Variants in DCAF4 observed in about 807,000 individuals in gnomAD.
The protein encoded by DCAF4 is DDB1- and CUL4-associated factor 4.
Under a neutral mutation model 60.9 loss-of-function variants are expected in DCAF4, and 37 were observed. The ratio of observed to expected loss-of-function variants is 0.61; its 90% CI spans 0.47 to 0.80. DCAF4 has a LOEUF of 0.80. DCAF4 is among the 30% of genes least tolerant of loss of function. The pLI, the probability that DCAF4 is intolerant of heterozygous loss-of-function variation, is 0.00. For missense variants in DCAF4, 577 were observed against 650.0 expected, an observed-to-expected ratio of 0.89 and a Z score of 1.22; for synonymous variants, 243 against 254.8, an observed-to-expected ratio of 0.95 and a Z score of 0.44.
At chr14:72,961,184 C>T (rs1297073889), downstream of DCAF4, among the ~76,000 whole-genome samples, 1 of 152,230 alleles carries the variant, frequency 6.6e-6, no homozygotes, top group Admixed American at 6.5e-5. Context: ...ATTTGTAAGA[C>T]ACTTCTCACC....
At position 72,941,831 on chromosome 14, in the gene DCAF4, C is replaced by T. The variant is rs758464874; in HGVS notation, c.431+7C>T. ...ACGTCACCAATTACTGCCAGTAAGA[C>T]AATGCCTCTTTGTTATGTTTTCTTC... On this transcript the variant is annotated splice_region_variant and intron_variant, in intron 5 of 13. Coordinates refer to ENST00000358377, the MANE Select transcript of DCAF4 (RefSeq NM_015604.4). The T allele has an allele frequency of 6.2e-7, 1 of 1,612,870 alleles. No individual in the cohort carries two copies. Among genetic ancestry groups the T allele is most frequent in the Non-Finnish European group, 8.5e-7 (1 of 1,179,352 alleles).
At chr14:72,953,654 G>A (rs1341431616) in intron 9 of DCAF4, among the ~76,000 whole-genome samples, 3 of 131,152 alleles carry the variant, frequency 2.3e-5, no homozygotes, top group African/African-American at 8.6e-5. Flanking sequence ...AGGATGCATT[G>A]AGCCATGATC....
intron 1 of DCAF4, among the ~76,000 whole-genome samples, chr14:72,932,155 ATT>A (rs1173423059): frequency 6.6e-6 from 1 of 151,572 alleles, no homozygotes; most frequent in African/African-American, 2.4e-5. Flanking sequence ...CGCCTAACTA[ATT>A]TTTTGTATTT....
chr14:72,933,348 C>G (rs1223711973), intron 1 of DCAF4, among the ~76,000 whole-genome samples: 3 of 152,164 alleles, frequency 2.0e-5, no homozygotes, highest in Non-Finnish European at 4.4e-5. Context: ...ATCACAAGGT[C>G]AGGAGTTCGA....
Position 72,959,579 on chromosome 14 carries a change from G to C in DCAF4, c.*774G>C, listed in dbSNP as rs1416115702. ...GACTTTTTGTAATCTAGGAGCGACA[G>C]TTCGTGAGATGTTTATTCAGTGTTA... On this transcript the variant is annotated 3_prime_UTR_variant, in exon 14 of 14. Transcript: ENST00000358377. 1 of 985,366 alleles carries C rather than the reference G, an allele frequency of 1.0e-6. No individual in the cohort carries two copies. Among genetic ancestry groups the C allele is most frequent in the Non-Finnish European group, 1.2e-6 (1 of 829,944 alleles). The allele number at this position is 985,366 out of a possible 1,614,324, so 61.0% of individuals were successfully genotyped here.
chr14:72,934,156 CTTT>C (rs72429674), intron 1 of DCAF4, among the ~76,000 whole-genome samples: 1 of 136,304 alleles, frequency 7.3e-6, no homozygotes. Context: ...GTGGCATTTT[CTTT>C]TTTTTTTTTT....
At chr14:72,936,203 GATA>G (rs1889243613) in intron 1 of DCAF4, among the ~76,000 whole-genome samples, 1 of 152,316 alleles carries the variant, frequency 6.6e-6, no homozygotes, top group Non-Finnish European at 1.5e-5. Context: ...TGGGGTATAA[GATA>G]ACTGATCCAT....
chr14:72,928,040 A>C (rs1040381553), intron 1 of DCAF4, among the ~76,000 whole-genome samples: 3 of 150,980 alleles, frequency 2.0e-5, no homozygotes, highest in Non-Finnish European at 3.0e-5. Context: ...GGCTCAAGCT[A>C]TCCTCCCACC....
At chr14:72,944,627 T>C (rs556116957) in intron 6 of DCAF4, among the ~76,000 whole-genome samples, 51 of 152,128 alleles carry the variant, frequency 3.4e-4, no homozygotes, top group African/African-American at 1.2e-3. Context: ...ACCCCGTCTC[T>C]ACAAAAAAAT....
At chr14:72,940,583 G>C (rs912275023) in intron 4 of DCAF4, 2 of 402,772 alleles carry the variant, frequency 5.0e-6, no homozygotes, top group Non-Finnish European at 8.6e-6. Flanking sequence ...TTTCTTGTTC[G>C]ATAAGTTGTT....
intron 8 of DCAF4, among the ~76,000 whole-genome samples, chr14:72,951,569 C>G (rs1313288980): frequency 2.6e-5 from 4 of 152,162 alleles, no homozygotes; most frequent in Non-Finnish European, 5.9e-5. Flanking sequence ...CGAGATCGCG[C>G]CATTGCACCC....
Position 72,956,457 on chromosome 14 carries a change from C to CT in DCAF4, c.1251_1252insT (p.Leu418SerfsTer98). On this transcript the variant is annotated frameshift_variant, in exon 13 of 14. Transcript: ENST00000358377. LOFTEE classifies it high-confidence loss of function. ...AAGGCCACGTGAATGAGTACGCCTA[C>CT]CTGCCCCTGCATGTGCACGAGGAAG... is the stretch of plus-strand genomic sequence containing the variant. 3 of 1,613,614 alleles carry CT rather than the reference C, an allele frequency of 1.9e-6. No individual in the cohort carries two copies. Among genetic ancestry groups the CT allele is most frequent in the Non-Finnish European group, 2.5e-6 (3 of 1,179,814 alleles).
At chr14:72,954,051 A>G (rs1891939530) in intron 9 of DCAF4, 113 bp from the exon 10 acceptor site, 1 of 1,124,958 alleles carries the variant, frequency 8.9e-7, no homozygotes, top group African/African-American at 1.6e-5. Flanking sequence ...AATGGGGCCA[A>G]AGGTATAGAC....
Position 72,936,462 on chromosome 14 carries a change from G to T in DCAF4, c.-8-1509G>T, listed in dbSNP as rs563787038. On this transcript the variant is annotated intron_variant, in intron 1 of 13. Coordinates refer to ENST00000358377, the MANE Select transcript of DCAF4 (RefSeq NM_015604.4). ...GCCTGTAGTCCCAGCTACTCGGGAG[G>T]CTGAGGCAGGAGAATCGCTTGAACC... 1.1e-4 allele frequency among the ~76,000 whole-genome samples: 17 copies of T among 152,068 alleles called. No homozygotes were observed. In the South Asian group the frequency reaches 3.3e-3, roughly 30 times the overall value.
intron 1 of DCAF4, among the ~76,000 whole-genome samples, chr14:72,928,583 C>CTT (rs200953340): frequency 0.45 from 14,309 of 31,604 alleles, 838 homozygotes; most frequent in South Asian, 0.56. Context: ...AGTAAACATC[C>CTT]TTTATATATA....
intron 7 of DCAF4, among the ~76,000 whole-genome samples, chr14:72,946,321 C>T (rs1374424733): frequency 6.6e-6 from 1 of 151,898 alleles, no homozygotes; most frequent in South Asian, 2.1e-4. Flanking sequence ...GGGAAGATCA[C>T]CTGAGCCCAG....
chr14:72,929,519 G>C lies in DCAF4; in HGVS notation c.-9+2976G>C. On this transcript the variant is annotated intron_variant, in intron 1 of 13. Coordinates refer to ENST00000358377, the MANE Select transcript of DCAF4 (RefSeq NM_015604.4). ...CGAGACCAGCCTGGGCGGCAACAAA[G>C]CGAGACCCCGTCTCTACAAAAATAT... 4.1e-6 allele frequency: 3 copies of C among 722,968 alleles called. No individual in the cohort carries two copies. The South Asian group carries it at 4.8e-5, about 12-fold the overall frequency. The allele number at this position is 722,968 out of a possible 1,614,324, so 44.8% of individuals were successfully genotyped here. A position where few individuals can be genotyped will look rare whatever the true frequency, so the allele number is the denominator to read the frequency against.
intron 1 of DCAF4, among the ~76,000 whole-genome samples, chr14:72,930,155 T>C (rs11158995): frequency 0.023 from 3,549 of 152,200 alleles, 138 homozygotes; most frequent in African/African-American, 0.082. Flanking sequence ...AATAAAGTGG[T>C]ATCTCACTGT....
chr14:72,948,441 T>C (rs561319028), intron 8 of DCAF4, among the ~76,000 whole-genome samples: 9 of 152,206 alleles, frequency 5.9e-5, no homozygotes, highest in Non-Finnish European at 1.0e-4. Flanking sequence ...TTCTCTAAAT[T>C]GCAAATTTTA....
Sources: gnomAD v4.1 joint callset for allele counts (sites outside exome capture counted in the v4.1 genomes callset) on GRCh38, gnomAD v4.1.1 for gene constraint, MANE v1.5 for transcripts, NCBI Gene and HGNC (gene_info 2026-07-23, HGNC 2026-07-21) for gene names.